GPR158: variants seen among roughly 807,000 people sequenced by gnomAD.
GPR158 encodes the protein metabotropic glycine receptor.
GPR158 carries 30 observed loss-of-function variants against 78.2 expected under a neutral mutation model. That is an observed-to-expected ratio of 0.38 (90% confidence interval 0.29 to 0.52). GPR158 has a LOEUF of 0.52. Ranked by LOEUF, GPR158 falls within the 20% of genes least tolerant of loss-of-function variation. The pLI is 0.83. For synonymous variants in GPR158, 581 were observed against 591.1 expected (o/e 0.98, Z 0.25); for missense variants, 1,463 against 1,523.5 (o/e 0.96, Z 0.66).
At chr10:25,593,080 G>T (rs1048356571) in intron 8 of GPR158, among the ~76,000 whole-genome samples, 2 of 151,884 alleles carry the variant, frequency 1.3e-5, no homozygotes, top group African/African-American at 2.4e-5. Flanking sequence ...TTAATGAAAC[G>T]TGAGCTATTG....
intron 2 of GPR158, among the ~76,000 whole-genome samples, chr10:25,326,914 G>A (rs954237570): frequency 2.0e-5 from 3 of 152,248 alleles, no homozygotes; most frequent in Non-Finnish European, 2.9e-5. Context: ...TGGTGCAAAA[G>A]TGATTCACAT....
intron 2 of GPR158, among the ~76,000 whole-genome samples, chr10:25,274,559 G>A (rs1002221081): frequency 1.3e-5 from 2 of 152,106 alleles, no homozygotes; most frequent in African/African-American, 4.8e-5. Context: ...TGAGGAAATG[G>A]GTGACAGCTG....
Position 25,501,525 on chromosome 10 carries a change from G to C in GPR158, c.1404+34806G>C, listed in dbSNP as rs139952732. ...TTGTGTCTCTTCAGCATTTAGCTCTGCCTGGCAGATAGTAGGCACGTATGA... is the reference window on the plus strand; with the variant it reads ...TTGTGTCTCTTCAGCATTTAGCTCTCCCTGGCAGATAGTAGGCACGTATGA... On this transcript the variant is annotated intron_variant, in intron 5 of 10. Coordinates refer to ENST00000376351, the MANE Select transcript of GPR158 (RefSeq NM_020752.3). 9.3e-4 allele frequency among the ~76,000 whole-genome samples: 141 copies of C among 152,274 alleles called. 3 individuals are homozygous for C. In the South Asian group the frequency reaches 0.024, roughly 26 times the overall value.
At chr10:25,306,639 G>A (rs1381335619) in intron 2 of GPR158, among the ~76,000 whole-genome samples, 1 of 151,942 alleles carries the variant, frequency 6.6e-6, no homozygotes, top group African/African-American at 2.4e-5. Context: ...CTGTTACAAG[G>A]GATTACTTCC....
chr10:25,290,691 A>C (rs1041759314), intron 2 of GPR158, among the ~76,000 whole-genome samples: 1 of 152,158 alleles, frequency 6.6e-6, no homozygotes, highest in African/African-American at 2.4e-5. Flanking sequence ...CGTATGTATC[A>C]GGCAAATGAT....
chr10:25,554,546 T>C (rs921133527), intron 6 of GPR158, among the ~76,000 whole-genome samples: 1 of 152,100 alleles, frequency 6.6e-6, no homozygotes, highest in Non-Finnish European at 1.5e-5. Context: ...TGAAAATAAA[T>C]GCTATTTTCA....
chr10:25,426,247 A>T (rs1834818702), intron 4 of GPR158, among the ~76,000 whole-genome samples: 1 of 152,174 alleles, frequency 6.6e-6, no homozygotes, highest in Admixed American at 6.5e-5. Context: ...TCTGCTATCC[A>T]GACCACTCAA....
At chr10:25,416,827 A>G (rs956414532) in intron 4 of GPR158, among the ~76,000 whole-genome samples, 3 of 152,078 alleles carry the variant, frequency 2.0e-5, no homozygotes, top group African/African-American at 7.2e-5. Flanking sequence ...TTATTCCAGC[A>G]TATGAAATAA....
chr10:25,243,224 G>A (rs1853648668), intron 2 of GPR158, among the ~76,000 whole-genome samples: 1 of 152,084 alleles, frequency 6.6e-6, no homozygotes, highest in African/African-American at 2.4e-5. Flanking sequence ...TGTTCATCTG[G>A]CCTAGAATGT....
At chr10:25,542,039 C>T (rs934653206) in intron 5 of GPR158, among the ~76,000 whole-genome samples, 3 of 150,192 alleles carry the variant, frequency 2.0e-5, no homozygotes, top group African/African-American at 7.3e-5. Flanking sequence ...TTCTTCAAAT[C>T]CTTATCAAAG....
rs148441619 is a variant in GPR158 at position 25,382,769 on chromosome 10, A to G, written c.1009-13142A>G. Among the ~76,000 whole-genome samples, 97 of 152,282 alleles carry G rather than the reference A, an allele frequency of 6.4e-4. No homozygotes were observed. In the Middle Eastern group the frequency reaches 0.017, roughly 27 times the overall value. On this transcript the variant is annotated intron_variant, in intron 2 of 10. Transcript: ENST00000376351. ...TAATATAATTGACCTGTTTTAGTAC[A>G]AAGTCTCCCCAAACCCACTCCCAGA...
chr10:25,247,093 C>T (rs1201158179), intron 2 of GPR158, among the ~76,000 whole-genome samples: 1 of 152,084 alleles, frequency 6.6e-6, no homozygotes, highest in Non-Finnish European at 1.5e-5. Context: ...CTGTTTTTTC[C>T]ACCATTCATT....
chr10:25,376,446 T>C (rs1030543522), intron 2 of GPR158, among the ~76,000 whole-genome samples: 6 of 151,704 alleles, frequency 4.0e-5, no homozygotes, highest in Admixed American at 6.6e-5. Flanking sequence ...CTTTGATTCT[T>C]TCTGTAATTT....
At chr10:25,361,144 T>C (rs761504529) in intron 2 of GPR158, among the ~76,000 whole-genome samples, 2 of 151,968 alleles carry the variant, frequency 1.3e-5, no homozygotes, top group Non-Finnish European at 2.9e-5. Context: ...TTTCCATTAA[T>C]TTATCTACTT....
intron 2 of GPR158, among the ~76,000 whole-genome samples, chr10:25,302,416 A>G (rs755705587): frequency 5.3e-5 from 8 of 152,138 alleles, no homozygotes; most frequent in East Asian, 3.9e-4. Flanking sequence ...ATAGTAATCT[A>G]TTGAAAAGCC....
At chr10:25,379,552 G>A (rs376946676) in intron 2 of GPR158, among the ~76,000 whole-genome samples, 3 of 151,734 alleles carry the variant, frequency 2.0e-5, no homozygotes, top group Non-Finnish European at 2.9e-5. Context: ...ATTGTGATAC[G>A]GCAAAAGACT....
intron 4 of GPR158, among the ~76,000 whole-genome samples, chr10:25,433,573 G>GTGTGTA (rs1564454642): frequency 1.4e-3 from 190 of 135,246 alleles, no homozygotes; most frequent in African/African-American, 4.7e-3. Context: ...GTGTGTGTGC[G>GTGTGTA]CGCGCGCGTG....
chr10:25,287,638 T>C (rs1406367241), intron 2 of GPR158, among the ~76,000 whole-genome samples: 2 of 152,150 alleles, frequency 1.3e-5, no homozygotes, highest in Admixed American at 6.5e-5. Flanking sequence ...AAATTTTAGC[T>C]GAATTGTTAC....
At chr10:25,409,041 A>G (rs931763736) in intron 3 of GPR158, among the ~76,000 whole-genome samples, 3 of 152,182 alleles carry the variant, frequency 2.0e-5, no homozygotes, top group African/African-American at 7.2e-5. Flanking sequence ...TATCTCCATG[A>G]TTGACTCAGA....
Sources: allele counts gnomAD v4.1 joint callset (sites outside exome capture counted in the v4.1 genomes callset), GRCh38; gene constraint gnomAD v4.1.1; transcripts MANE v1.5; gene names NCBI Gene and HGNC (gene_info 2026-07-23, HGNC 2026-07-21).